Variants in DEFB119 observed in about 807,000 individuals in gnomAD.
The protein encoded by DEFB119 is defensin beta 119, also known as beta-defensin 119.
A neutral mutation model predicts 2.5 loss-of-function variants in DEFB119; 3 were observed. The observed-to-expected ratio is 1.19, with a 90% CI of 0.54 to 3.07. The LOEUF (loss-of-function observed/expected upper bound fraction) is 3.07. Among genes scored for constraint, DEFB119 ranks in the 30% most tolerant of loss-of-function variants. The pLI, the probability that DEFB119 is intolerant of heterozygous loss-of-function variation, is 0.03. For missense variants in DEFB119, 113 were observed against 101.1 expected (o/e 1.12, Z -0.50); for synonymous variants, 29 against 33.7 (o/e 0.86, Z 0.48).
At position 31,389,258 on chromosome 20, in the gene DEFB119, C is replaced by A. The variant is rs968594996; in HGVS notation, c.61+1165G>T. On this transcript the variant is annotated intron_variant, in intron 1 of 1. Coordinates refer to ENST00000376321, the MANE Select transcript of DEFB119 (RefSeq NM_153289.4). ...TTGGGGCATATGAACAACAATTAAG[C>A]AGATGTTAGTATCCCTCAAGCGGAG... The A allele has an allele frequency of 3.7e-6, 6 of 1,613,658 alleles. No homozygotes were observed. The Admixed American group carries it at 8.3e-5, about 22-fold the overall frequency.
At position 31,390,538 on chromosome 20, in the gene DEFB119, T is replaced by C. The variant is rs1489380442; in HGVS notation, c.-55A>G. On this transcript the variant is annotated 5_prime_UTR_variant, in exon 1 of 2. Coordinates refer to ENST00000376321, the MANE Select transcript of DEFB119 (RefSeq NM_153289.4). ...TGAGCTGCAGGGGAAGGAAATAGGG[T>C]TCCCTGCAGCACGGCAGAGATGAGC... 23 of 1,542,398 alleles carry C rather than the reference T, an allele frequency of 1.5e-5. No homozygotes were observed. Among genetic ancestry groups the C allele is most frequent in the Non-Finnish European group, 5.4e-6 (6 of 1,120,138 alleles).
At chr20:31,388,873 T>A (rs908863058) in intron 1 of DEFB119, 2 of 1,385,150 alleles carry the variant, frequency 1.4e-6, no homozygotes, top group Admixed American at 4.4e-5. Flanking sequence ...CCAGCCCTAG[T>A]GACTTCTCTC....
intron 1 of DEFB119, among the ~76,000 whole-genome samples, chr20:31,377,847 T>C (rs1986359078): frequency 1.3e-5 from 2 of 152,040 alleles, no homozygotes; most frequent in Non-Finnish European, 2.9e-5. Context: ...AAGTCTCCTC[T>C]CTCTAGCCAA....
At chr20:31,379,323 A>G (rs570847931) in intron 1 of DEFB119, among the ~76,000 whole-genome samples, 26 of 152,186 alleles carry the variant, frequency 1.7e-4, no homozygotes, top group Non-Finnish European at 2.8e-4. Context: ...TTTTAATTTT[A>G]GCTGCTCTAA....
At chr20:31,383,346 A>C (rs932591520) in intron 1 of DEFB119, among the ~76,000 whole-genome samples, 2 of 151,824 alleles carry the variant, frequency 1.3e-5, no homozygotes, top group Non-Finnish European at 2.9e-5. Flanking sequence ...GAGTTCGAAC[A>C]AGCCTGGCCA....
intron 1 of DEFB119, chr20:31,378,411 C>G: frequency 6.2e-7 from 1 of 1,613,766 alleles, no homozygotes; most frequent in Non-Finnish European, 8.5e-7. Context: ...AGGAGACAAG[C>G]CAACAAAGAT....
intron 1 of DEFB119, among the ~76,000 whole-genome samples, chr20:31,380,115 G>C (rs1429735033): frequency 6.6e-6 from 1 of 152,202 alleles, no homozygotes; most frequent in East Asian, 1.9e-4. Flanking sequence ...TTAAAATTTT[G>C]AGTAAGTGCA....
chr20:31,390,106 C>T (rs1182133444), intron 1 of DEFB119, among the ~76,000 whole-genome samples: 5 of 151,870 alleles, frequency 3.3e-5, no homozygotes, highest in African/African-American at 1.2e-4. Context: ...CACAACTCAC[C>T]CCAGCTTCCA....
At chr20:31,378,326 G>A (rs1197771045) in intron 1 of DEFB119, 1 of 1,614,008 alleles carries the variant, frequency 6.2e-7, no homozygotes, top group Non-Finnish European at 8.5e-7. Flanking sequence ...CAGTACCAGA[G>A]GAAATACACC....
chr20:31,379,087 G>A (rs1253121761), intron 1 of DEFB119, among the ~76,000 whole-genome samples: 2 of 151,842 alleles, frequency 1.3e-5, no homozygotes, highest in Non-Finnish European at 2.9e-5. Context: ...ACAGGTGCAC[G>A]CCATCACACC....
chr20:31,380,637 C>T (rs369720981), intron 1 of DEFB119, among the ~76,000 whole-genome samples: 8 of 147,308 alleles, frequency 5.4e-5, no homozygotes, highest in South Asian at 2.2e-4. Flanking sequence ...TTTTTTTTTT[C>T]GCCTGTAGAT....
chr20:31,385,138 G>T (rs1010344583), intron 1 of DEFB119, among the ~76,000 whole-genome samples: 9 of 152,294 alleles, frequency 5.9e-5, no homozygotes, highest in African/African-American at 2.2e-4. Context: ...GCTAGATGGA[G>T]AGTGAAGAAA....
At chr20:31,379,145 C>T (rs555016799) in intron 1 of DEFB119, among the ~76,000 whole-genome samples, 1 of 152,086 alleles carries the variant, frequency 6.6e-6, no homozygotes, top group South Asian at 2.1e-4. Flanking sequence ...ACCATGTTGG[C>T]CAGGCTGGTC....
chr20:31,380,187 C>T (rs2122290491), intron 1 of DEFB119, among the ~76,000 whole-genome samples: 1 of 152,288 alleles, frequency 6.6e-6, no homozygotes, highest in Non-Finnish European at 1.5e-5. Context: ...TCACCAAACA[C>T]ACGGTCTGAA....
At chr20:31,379,447 T>C (rs761175778) in intron 1 of DEFB119, among the ~76,000 whole-genome samples, 3 of 152,112 alleles carry the variant, frequency 2.0e-5, no homozygotes, top group Non-Finnish European at 4.4e-5. Flanking sequence ...TTCAGTGAAA[T>C]GTCTTTTCAT....
At chr20:31,378,496 A>T in intron 1 of DEFB119, 1 of 1,539,468 alleles carries the variant, frequency 6.5e-7, no homozygotes, top group Admixed American at 1.9e-5. Flanking sequence ...ATTACTCATC[A>T]TACTGAGAAC....
intron 1 of DEFB119, among the ~76,000 whole-genome samples, chr20:31,381,393 T>A (rs951974131): frequency 1.3e-5 from 2 of 152,268 alleles, no homozygotes; most frequent in African/African-American, 4.8e-5. Context: ...TAGACACCAT[T>A]TTATTCCTTC....
At chr20:31,378,446 A>G (rs1600504921) in intron 1 of DEFB119, 5 of 1,603,404 alleles carry the variant, frequency 3.1e-6, no homozygotes, top group East Asian at 2.2e-5. Flanking sequence ...CCAGCATCTC[A>G]TAACATAATA....
chr20:31,388,880 T>C (rs1242661632), intron 1 of DEFB119: 2 of 1,440,200 alleles, frequency 1.4e-6, no homozygotes, highest in Non-Finnish European at 1.9e-6. Context: ...TAGTGACTTC[T>C]CTCGACTAGC....
Sources: gnomAD v4.1 joint callset for allele counts (sites outside exome capture counted in the v4.1 genomes callset) on GRCh38, gnomAD v4.1.1 for gene constraint, MANE v1.5 for transcripts, NCBI Gene and HGNC (gene_info 2026-07-23, HGNC 2026-07-21) for gene names.